SLC9A3: variants seen among roughly 807,000 people sequenced by gnomAD.
SLC9A3 encodes the protein sodium/hydrogen exchanger 3.
A neutral mutation model predicts 86.8 loss-of-function variants in SLC9A3; 37 were observed. That is an observed-to-expected ratio of 0.43 (90% CI 0.33 to 0.56). The LOEUF (loss-of-function observed/expected upper bound fraction) is 0.56, where lower values mean the gene tolerates loss of function less well. Among genes scored for constraint, SLC9A3 ranks in the 20% least tolerant of loss-of-function variants. The probability of loss-of-function intolerance (pLI) is 0.06; values close to 1 mark genes in which losing one functional copy is unlikely to be tolerated. For synonymous variants in SLC9A3, 581 were observed against 528.3 expected, an observed-to-expected ratio of 1.10 and a Z score of -1.37; for missense variants, 1,011 against 1,171.9, an observed-to-expected ratio of 0.86 and a Z score of 2.00.
At chr5:502,419 A>C (rs77045859) in intron 1 of SLC9A3, among the ~76,000 whole-genome samples, 6,470 of 152,322 alleles carry the variant, frequency 0.042, 218 homozygotes, top group South Asian at 0.13. Flanking sequence ...GCTTTGCTCA[A>C]AGCAGCAACA....
Position 484,568 on chromosome 5 carries a change from TAGG to T in SLC9A3, c.881_883del (p.Ser294del). On this transcript the variant is annotated inframe_deletion, in exon 5 of 17. Transcript: ENST00000264938. The stretch of plus-strand genomic sequence containing the variant: ...CATCTCGGACGTCAGGTAGGACAGG[TAGG>T]AGATGATGAACACGAAGCCGGGCTC... The T allele has an allele frequency of 6.2e-7, 1 of 1,612,748 alleles. No individual in the cohort carries two copies. Among genetic ancestry groups the T allele is most frequent in the East Asian group, 2.2e-5 (1 of 44,844 alleles).
intron 1 of SLC9A3, among the ~76,000 whole-genome samples, chr5:493,831 T>A (rs913250059): frequency 1.3e-5 from 2 of 152,036 alleles, no homozygotes; most frequent in Non-Finnish European, 2.9e-5. Flanking sequence ...GCTCCCCCAC[T>A]CCGGGCTGCA....
intron 3 of SLC9A3, 106 bp from the exon 4 acceptor site, chr5:485,337 C>T: frequency 2.3e-6 from 2 of 883,316 alleles, no homozygotes; most frequent in Non-Finnish European, 1.9e-6. Context: ...CCCATGGCAC[C>T]CGAGGCCGTT....
rs1490022521 is a variant in SLC9A3, at chr5:506,271, G to A, written c.212-14200C>T. ...CTTGATATTGATGCCACCCAGAGAG[G>A]ACAAAGGTGGAAAGACACACGAAAG... On this transcript the variant is annotated intron_variant, in intron 1 of 16. Coordinates refer to ENST00000264938, the MANE Select transcript of SLC9A3 (RefSeq NM_004174.4). Among the ~76,000 whole-genome samples the A allele has an allele frequency of 2.0e-5, 3 of 152,192 alleles. No homozygotes were observed. The East Asian group carries it at 5.8e-4, about 29-fold the overall frequency.
chr5:497,822 GCA>G lies in SLC9A3; in HGVS notation c.212-5753_212-5752del, dbSNP rs1740094563. On this transcript the variant is annotated intron_variant, in intron 1 of 16. Transcript: ENST00000264938. The surrounding 1 kb of genome is among the most constrained non-coding windows in gnomAD (Gnocchi z 5.4). ...CTGTCCCGGGTGGGGTCGCCCGGCCGCATCCCCAGCCTCTGCCCCTGTCCCGG... is the reference window on the plus strand; with the variant it reads ...CTGTCCCGGGTGGGGTCGCCCGGCCGTCCCCAGCCTCTGCCCCTGTCCCGG... 1.2e-4 allele frequency among the ~76,000 whole-genome samples: 5 copies of G among 40,500 alleles called. No homozygotes were observed. Among genetic ancestry groups the G allele is most frequent in the South Asian group, 1.9e-3 (1 of 518 alleles). The allele number at this position is 40,500 out of a possible 152,430, so 26.6% of individuals were successfully genotyped here.
intron 1 of SLC9A3, among the ~76,000 whole-genome samples, chr5:498,822 C>A (rs375298293): frequency 5.9e-5 from 9 of 152,342 alleles, no homozygotes; most frequent in African/African-American, 2.2e-4. Flanking sequence ...GGGTGTGTCT[C>A]CCTGCTGAGC....
At chr5:495,179 G>A (rs1407738443) in intron 1 of SLC9A3, among the ~76,000 whole-genome samples, 3 of 152,098 alleles carry the variant, frequency 2.0e-5, no homozygotes, top group Admixed American at 1.3e-4. Flanking sequence ...GGTGGCTGCC[G>A]ACACTTGGCC....
chr5:499,876 G>C (rs985994067), intron 1 of SLC9A3, among the ~76,000 whole-genome samples: 1 of 152,204 alleles, frequency 6.6e-6, no homozygotes, highest in African/African-American at 2.4e-5. Context: ...CACTGCTCAA[G>C]CCAGCATGGC....
intron 3 of SLC9A3, among the ~76,000 whole-genome samples, chr5:486,312 G>A (rs965473104): frequency 6.6e-6 from 1 of 152,154 alleles, no homozygotes; most frequent in African/African-American, 2.4e-5. Context: ...CCTCACTGAC[G>A]GTTCCTAGGA....
chr5:521,857 G>A (rs1463510882), intron 1 of SLC9A3, among the ~76,000 whole-genome samples: 2 of 152,208 alleles, frequency 1.3e-5, no homozygotes, highest in African/African-American at 4.8e-5. Context: ...AGAGTTCACA[G>A]GGAAGGGGTT....
At position 473,271 on chromosome 5, in the gene SLC9A3, C is replaced by T. The variant is rs889494074; in HGVS notation, c.*108G>A. 6.1e-5 allele frequency: 72 copies of T among 1,176,956 alleles called. No individual in the cohort carries two copies. Among genetic ancestry groups the T allele is most frequent in the Non-Finnish European group, 7.2e-5 (67 of 928,992 alleles). 72.9% of individuals were successfully genotyped at this position (1,176,956 alleles called of 1,614,324 possible). ...CGAGGCGGGGCTCGGGGCTCGCGGT[C>T]GCTGTAGCCGCGCGGGGATCTGGGG... On this transcript the variant is annotated 3_prime_UTR_variant, in exon 17 of 17. Transcript: ENST00000264938.
At chr5:524,085 A>G in intron 1 of SLC9A3, 27 bp downstream of exon 1, 1 of 1,433,912 alleles carries the variant, frequency 7.0e-7, no homozygotes, top group East Asian at 3.0e-5. Context: ...CCCCGCGGGC[A>G]GATCCGGAGA....
intron 10 of SLC9A3, 148 bp downstream of exon 10, chr5:479,688 G>A (rs1305304458): frequency 1.4e-6 from 1 of 702,828 alleles, no homozygotes; most frequent in African/African-American, 1.8e-5. Context: ...CAGGGCATCA[G>A]AAGGCCCATC....
intron 1 of SLC9A3, among the ~76,000 whole-genome samples, chr5:518,291 G>A (rs1733790825): frequency 6.6e-6 from 1 of 152,144 alleles, no homozygotes; most frequent in Non-Finnish European, 1.5e-5. Flanking sequence ...GGTGGAGTCT[G>A]GCATCCCAGG....
At chr5:480,575 G>A in intron 9 of SLC9A3, 1 of 153,026 alleles carries the variant, frequency 6.5e-6, no homozygotes, top group Non-Finnish European at 1.5e-5. Context: ...CAGCTCTCCT[G>A]TACAGGCTGA....
Position 491,745 on chromosome 5 carries a change from G to C in SLC9A3, c.514+24C>G. The C allele has an allele frequency of 6.7e-7, 1 of 1,491,692 alleles. No individual in the cohort carries two copies. Among genetic ancestry groups the C allele is most frequent in the Non-Finnish European group, 9.0e-7 (1 of 1,110,454 alleles). The allele number at this position is 1,491,692 out of a possible 1,614,324, so 92.4% of individuals were successfully genotyped here. A position where few individuals can be genotyped will look rare whatever the true frequency, so the allele number is the denominator to read the frequency against. The stretch of plus-strand genomic sequence containing the variant: ...CCCGGACCCCACCCTGATCCCGGCC[G>C]GGGCAACAGTGGCGCAGACTCACCC... On this transcript the variant is annotated intron_variant, in intron 2 of 16. Coordinates refer to ENST00000264938, the MANE Select transcript of SLC9A3 (RefSeq NM_004174.4). The surrounding 1 kb of genome is among the most constrained non-coding windows in gnomAD (Gnocchi z 9.2).
chr5:517,671 T>TATCCATCCATCCATCC (rs375043502), intron 1 of SLC9A3, among the ~76,000 whole-genome samples: 5 of 146,472 alleles, frequency 3.4e-5, no homozygotes, highest in African/African-American at 1.3e-4. Flanking sequence ...TTCATCCATC[T>TATCCATCCATCCATCC]ATCCATCCAT....
At chr5:481,811 C>T (rs1387722829) in intron 8 of SLC9A3, among the ~76,000 whole-genome samples, 176 bp from the exon 9 acceptor site, 7 of 139,154 alleles carry the variant, frequency 5.0e-5, no homozygotes, top group South Asian at 4.9e-4. Context: ...CGGTGCCCTC[C>T]GCCACCCCCC....
chr5:481,774 C>A (rs190114817), intron 8 of SLC9A3, 139 bp from the exon 9 acceptor site: 3 of 776,556 alleles, frequency 3.9e-6, no homozygotes, highest in East Asian at 2.5e-5. Context: ...CCTCCTCTCC[C>A]CTCCTGGCCC....
Sources: allele counts gnomAD v4.1 joint callset (sites outside exome capture counted in the v4.1 genomes callset), GRCh38; gene constraint gnomAD v4.1.1; non-coding constraint Gnocchi (gnomAD v3.1); transcripts MANE v1.5; gene names NCBI Gene and HGNC (gene_info 2026-07-23, HGNC 2026-07-21).